MDGA2: variants seen among roughly 807,000 people sequenced by gnomAD.
The protein encoded by MDGA2 is MAM domain containing glycosylphosphatidylinositol anchor 2.
A neutral mutation model predicts 117.8 loss-of-function variants in MDGA2; 40 were observed. The ratio of observed to expected loss-of-function variants is 0.34; its 90% confidence interval spans 0.26 to 0.44. The LOEUF is 0.44. Ranked by LOEUF, MDGA2 falls within the 20% of genes least tolerant of loss-of-function variation. MDGA2 has a pLI of 1.00. For missense variants in MDGA2, 1,123 were observed against 1,250.6 expected, an observed-to-expected ratio of 0.90 and a Z score of 1.54; for synonymous variants, 452 against 439.0, an observed-to-expected ratio of 1.03 and a Z score of -0.37.
chr14:47,022,908 G>C lies in MDGA2; in HGVS notation c.1819+12103C>G, dbSNP rs147841136. On this transcript the variant is annotated intron_variant, in intron 8 of 16. Coordinates refer to ENST00000399232, the MANE Select transcript of MDGA2 (RefSeq NM_001113498.3). ...GAATCACAGGTGATGAGTAGCCATA[G>C]AGAATTTCCAAATAGAACAATGCTT... Among the ~76,000 whole-genome samples the C allele has an allele frequency of 3.8e-3, 582 of 152,282 alleles. 2 individuals are homozygous for C. The highest frequency in any genetic ancestry group is 7.0e-3 in the Non-Finnish European group (475 of 68,024).
At chr14:47,648,839 G>C (rs1897585474) in intron 1 of MDGA2, among the ~76,000 whole-genome samples, 2 of 152,038 alleles carry the variant, frequency 1.3e-5, no homozygotes, top group African/African-American at 4.8e-5. Context: ...TTCATGTTGT[G>C]TTCAACACTT....
In MDGA2 at chr14:46,907,260, G is replaced by C. The variant is rs570506143; in HGVS notation, c.2238+12752C>G. 2.6e-5 allele frequency among the ~76,000 whole-genome samples: 4 copies of C among 152,288 alleles called. No individual in the cohort carries two copies. The South Asian group carries it at 6.2e-4, about 24-fold the overall frequency. ...CCCAAAGTGCTGGGGTTACAGGCGTGAGCCACTGCACCTGGACTGCTTGTC... is the reference window on the plus strand; with the variant it reads ...CCCAAAGTGCTGGGGTTACAGGCGTCAGCCACTGCACCTGGACTGCTTGTC... On this transcript the variant is annotated intron_variant, in intron 10 of 16. Transcript: ENST00000399232.
intron 1 of MDGA2, among the ~76,000 whole-genome samples, chr14:47,411,943 G>C (rs2138487458): frequency 6.6e-6 from 1 of 152,278 alleles, no homozygotes; most frequent in South Asian, 2.1e-4. Context: ...TTGAAAAGTA[G>C]TCACTCTTAC....
At chr14:47,149,148 G>C (rs1431523638) in intron 3 of MDGA2, among the ~76,000 whole-genome samples, 2 of 152,074 alleles carry the variant, frequency 1.3e-5, no homozygotes, top group East Asian at 3.9e-4. Context: ...AAATTAGCCA[G>C]GCATGGTGGC....
intron 8 of MDGA2, among the ~76,000 whole-genome samples, chr14:46,976,869 C>A (rs574573513): frequency 1.3e-5 from 2 of 151,830 alleles, no homozygotes; most frequent in Admixed American, 1.3e-4. Flanking sequence ...ATTATATGCA[C>A]CATTATTGAA....
intron 2 of MDGA2, among the ~76,000 whole-genome samples, chr14:47,299,005 G>A (rs1362273991): frequency 2.0e-5 from 3 of 151,918 alleles, no homozygotes; most frequent in South Asian, 4.1e-4. Context: ...ATTTTTCAAT[G>A]GGCAATATAA....
intron 7 of MDGA2, among the ~76,000 whole-genome samples, chr14:47,052,715 T>C (rs998779675): frequency 5.3e-5 from 8 of 151,910 alleles, no homozygotes; most frequent in African/African-American, 1.9e-4. Flanking sequence ...TAAATGGTCT[T>C]CTTGAAAAGA....
At chr14:46,903,149 GT>G (rs372636436) in intron 10 of MDGA2, among the ~76,000 whole-genome samples, 2,016 of 152,168 alleles carry the variant, frequency 0.013, 40 homozygotes, top group African/African-American at 0.046. Flanking sequence ...TTGTTGTTTT[GT>G]TTTTTTCTTT....
chr14:46,957,954 A>G (rs1467585698), intron 8 of MDGA2, among the ~76,000 whole-genome samples: 2 of 152,148 alleles, frequency 1.3e-5, no homozygotes, highest in Non-Finnish European at 1.5e-5. Context: ...AATATTATCA[A>G]TATATTCCTT....
chr14:46,936,988 A>C (rs911217348), intron 9 of MDGA2, among the ~76,000 whole-genome samples: 48 of 152,168 alleles, frequency 3.2e-4, no homozygotes, highest in African/African-American at 1.1e-3. Flanking sequence ...CAAATTGGAA[A>C]AGAGGTCAAA....
At chr14:47,359,477 A>G (rs1164417662) in intron 1 of MDGA2, among the ~76,000 whole-genome samples, 3 of 152,202 alleles carry the variant, frequency 2.0e-5, no homozygotes, top group Non-Finnish European at 2.9e-5. Flanking sequence ...TAAAGGGCCC[A>G]GAAACAAACT....
intron 3 of MDGA2, among the ~76,000 whole-genome samples, chr14:47,176,374 GGCATCAC>G (rs1884449202): frequency 6.6e-6 from 1 of 152,276 alleles, no homozygotes; most frequent in African/African-American, 2.4e-5. Flanking sequence ...CAAAGCTGGA[GGCATCAC>G]GCTACCTGAC....
chr14:47,250,154 T>C (rs1011093785), intron 2 of MDGA2, among the ~76,000 whole-genome samples: 9 of 152,288 alleles, frequency 5.9e-5, no homozygotes, highest in African/African-American at 2.2e-4. Context: ...TTCCTACCCT[T>C]GGACTATAGC....
At chr14:47,393,770 T>C (rs1235717303) in intron 1 of MDGA2, among the ~76,000 whole-genome samples, 1 of 152,168 alleles carries the variant, frequency 6.6e-6, no homozygotes, top group East Asian at 1.9e-4. Context: ...TTTCCATCTT[T>C]CAATAGTAAG....
chr14:47,523,959 G>C (rs971287033), intron 1 of MDGA2, among the ~76,000 whole-genome samples: 1 of 152,088 alleles, frequency 6.6e-6, no homozygotes, highest in African/African-American at 2.4e-5. Context: ...CAGTGGAACT[G>C]ACAATACTTT....
chr14:47,373,639 G>A (rs1183752222), intron 1 of MDGA2, among the ~76,000 whole-genome samples: 1 of 152,032 alleles, frequency 6.6e-6, no homozygotes, highest in Non-Finnish European at 1.5e-5. Context: ...GGTTGGCTAG[G>A]GCTGGGCTGT....
intron 1 of MDGA2, among the ~76,000 whole-genome samples, chr14:47,449,151 C>T (rs1268300929): frequency 2.0e-5 from 3 of 152,140 alleles, no homozygotes; most frequent in Non-Finnish European, 4.4e-5. Flanking sequence ...CAACAGTAGT[C>T]CAGCACCATT....
At chr14:47,436,377 T>C (rs1014175378) in intron 1 of MDGA2, among the ~76,000 whole-genome samples, 8 of 152,128 alleles carry the variant, frequency 5.3e-5, no homozygotes, top group African/African-American at 1.7e-4. Context: ...TAATGTTACA[T>C]GTAGCTAGTC....
chr14:47,284,515 C>T (rs1888605385), intron 2 of MDGA2, among the ~76,000 whole-genome samples: 1 of 152,054 alleles, frequency 6.6e-6, no homozygotes, highest in Non-Finnish European at 1.5e-5. Context: ...TTCAGGTACC[C>T]CAGCCGAAAG....
Sources: allele counts gnomAD v4.1 joint callset (sites outside exome capture counted in the v4.1 genomes callset), GRCh38; gene constraint gnomAD v4.1.1; transcripts MANE v1.5; gene names NCBI Gene and HGNC (gene_info 2026-07-23, HGNC 2026-07-21).